The following RIC8B variants were observed in gnomAD, a reference collection of about 807,000 sequenced individuals.
The protein encoded by RIC8B is RIC8 guanine nucleotide exchange factor B.
In RIC8B, 16 loss-of-function variants were observed where a neutral mutation model predicts 57.5. The observed-to-expected ratio is 0.28, with a 90% CI of 0.19 to 0.42. The LOEUF is 0.42. RIC8B is among the 10% of genes least tolerant of loss of function. RIC8B has a pLI of 1.00. For synonymous variants in RIC8B, 216 were observed against 250.8 expected (o/e 0.86, Z 1.31); for missense variants, 481 against 677.0 (o/e 0.71, Z 3.21).
At chr12:106,863,858 C>T (rs187093773) in intron 8 of RIC8B, among the ~76,000 whole-genome samples, 14 of 152,144 alleles carry the variant, frequency 9.2e-5, no homozygotes, top group East Asian at 1.9e-4. Context: ...CTTAATCAAA[C>T]GGCCTGACAT....
chr12:106,854,276 A>C (rs1194909255), intron 7 of RIC8B, among the ~76,000 whole-genome samples: 2 of 152,172 alleles, frequency 1.3e-5, no homozygotes, highest in African/African-American at 2.4e-5. Context: ...ACTTAACAGT[A>C]ATCAGATTTT....
chr12:106,817,823 T>TTAAA (rs2045646266), intron 3 of RIC8B, among the ~76,000 whole-genome samples: 1 of 43,652 alleles, frequency 2.3e-5, no homozygotes, highest in Admixed American at 2.3e-4. Flanking sequence ...AAACACTGTC[T>TTAAA]CAAAAAAAAA....
At chr12:106,863,000 T>A (rs565121204) in intron 8 of RIC8B, among the ~76,000 whole-genome samples, 1 of 152,276 alleles carries the variant, frequency 6.6e-6, no homozygotes, top group South Asian at 2.1e-4. Context: ...AGATAAACTT[T>A]AGTCCTGTGT....
intron 2 of RIC8B, among the ~76,000 whole-genome samples, chr12:106,788,192 T>A (rs1178015472): frequency 6.6e-6 from 1 of 152,204 alleles, no homozygotes; most frequent in Admixed American, 6.5e-5. Flanking sequence ...TCCTTTGACT[T>A]CATGTCTCAC....
At chr12:106,855,815 A>C (rs1949696636) in intron 7 of RIC8B, among the ~76,000 whole-genome samples, 1 of 152,078 alleles carries the variant, frequency 6.6e-6, no homozygotes, top group Admixed American at 6.6e-5. Flanking sequence ...TCCCAAATCT[A>C]TGTATCTTTA....
chr12:106,812,772 A>C lies in RIC8B; in HGVS notation c.133-1924A>C, dbSNP rs144587331. Among the ~76,000 whole-genome samples the C allele has an allele frequency of 2.4e-3, 361 of 152,318 alleles. 1 individual carries two copies. The highest frequency in any genetic ancestry group is 8.1e-3 in the African/African-American group (338 of 41,580). On this transcript the variant is annotated intron_variant, in intron 2 of 9. Coordinates refer to ENST00000392837, the MANE Select transcript of RIC8B (RefSeq NM_001330145.2). ...TATACTTTTAATTAATGGGCACATT[A>C]TACTTTCCACTATCCCCAAACTACA...
chr12:106,860,122 A>G (rs1158253580), intron 7 of RIC8B, 146 bp from the exon 8 acceptor site: 10 of 676,576 alleles, frequency 1.5e-5, no homozygotes, highest in African/African-American at 1.1e-4. Context: ...GTAGTTCAGT[A>G]TAACCACTAC....
chr12:106,879,247 C>G lies in RIC8B; in HGVS notation c.1572-6657C>G. On this transcript the variant is annotated intron_variant, in intron 9 of 9. Transcript: ENST00000392837. This position sits in a 1 kb window ranked among gnomAD's most constrained non-coding sequence, Gnocchi z 4.9. ...TGAATTGAATGTTTTGTTTGTATTG[C>G]ACAAAAACATGTGCTGTGGGCAAGA... is the stretch of plus-strand genomic sequence containing the variant. 1.0e-6 allele frequency: 1 copy of G among 985,638 alleles called. No individual in the cohort carries two copies. 61.1% of individuals were successfully genotyped at this position (985,638 alleles called of 1,614,324 possible). A position where few individuals can be genotyped will look rare whatever the true frequency, so the allele number is the denominator to read the frequency against.
In RIC8B at chr12:106,774,761, G is replaced by A. The variant is rs1264619904; in HGVS notation, c.16G>A (p.Ala6Thr). 1 of 1,551,032 alleles carries A rather than the reference G, an allele frequency of 6.4e-7. No individual in the cohort carries two copies. The highest frequency in any genetic ancestry group is 2.0e-5 in the Admixed American group (1 of 51,002). The change falls in exon 1 of 10, where the codon GCC becomes ACC. Residue 6 changes from alanine to threonine, a missense_variant. Around this residue, in one of 3 missense-constraint regions of RIC8B, gnomAD observed 421 missense variants for 560.9 expected, o/e 0.75. Transcript: ENST00000392837. MDEER[A>T]LYIVRAGEAG... The stretch of plus-strand genomic sequence containing the variant: ...ACCTGCGGCCATGGATGAGGAGCGC[G>A]CCCTCTACATCGTCCGGGCCGGCGA...
At chr12:106,829,414 A>G (rs2046255948) in intron 4 of RIC8B, among the ~76,000 whole-genome samples, 1 of 152,184 alleles carries the variant, frequency 6.6e-6, no homozygotes, top group Admixed American at 6.5e-5. Context: ...ATTTGATTTA[A>G]TTTATTTTAG....
intron 3 of RIC8B, among the ~76,000 whole-genome samples, chr12:106,824,231 A>G (rs1217486577): frequency 6.6e-6 from 1 of 152,200 alleles, no homozygotes; most frequent in Admixed American, 6.5e-5. Flanking sequence ...TATGCATATC[A>G]TCTTCTTTAA....
intron 3 of RIC8B, chr12:106,822,111 AAAAG>A (rs914081364): frequency 6.6e-6 from 1 of 151,688 alleles, no homozygotes; most frequent in African/African-American, 2.4e-5. Context: ...AGAAGAAAAA[AAAAG>A]AAAAGCAAAG....
intron 2 of RIC8B, among the ~76,000 whole-genome samples, chr12:106,807,554 T>C (rs931311219): frequency 6.6e-6 from 1 of 152,202 alleles, no homozygotes. Context: ...GCATAGATCG[T>C]GTCTATACAC....
chr12:106,849,931 GAGATATA>G (rs1403919769), intron 6 of RIC8B, among the ~76,000 whole-genome samples: 2 of 152,202 alleles, frequency 1.3e-5, no homozygotes, highest in Non-Finnish European at 2.9e-5. Flanking sequence ...ATCAACAATG[GAGATATA>G]ATTTAGGGCA....
intron 2 of RIC8B, chr12:106,798,097 A>T (rs1182915231): frequency 2.8e-5 from 20 of 715,962 alleles, no homozygotes; most frequent in Non-Finnish European, 4.9e-5. Context: ...ATAACTAGTG[A>T]AGAAGATAGC....
At chr12:106,850,210 T>G (rs908915907) in intron 6 of RIC8B, among the ~76,000 whole-genome samples, 1 of 152,196 alleles carries the variant, frequency 6.6e-6, no homozygotes, top group Non-Finnish European at 1.5e-5. Flanking sequence ...CCCCAGTCTG[T>G]GGCAAAATTA....
Position 106,879,911 on chromosome 12 carries a change from T to G in RIC8B, c.1572-5993T>G. 1.0e-6 allele frequency: 1 copy of G among 985,250 alleles called. No individual in the cohort carries two copies. Among genetic ancestry groups the G allele is most frequent in the Non-Finnish European group, 1.2e-6 (1 of 829,818 alleles). The allele number at this position is 985,250 out of a possible 1,614,324, so 61.0% of individuals were successfully genotyped here. A position where few individuals can be genotyped will look rare whatever the true frequency, so the allele number is the denominator to read the frequency against. On this transcript the variant is annotated intron_variant, in intron 9 of 9. Coordinates refer to ENST00000392837, the MANE Select transcript of RIC8B (RefSeq NM_001330145.2). This position sits in a 1 kb window ranked among gnomAD's most constrained non-coding sequence, Gnocchi z 4.9. ...ACTGTACTTTTTGATACGAGGGCAG[T>G]CTTAACTTGTGTTAAGGCCTGTGTG...
At chr12:106,775,415 C>A (rs1370210725) in intron 1 of RIC8B, 2 of 454,526 alleles carry the variant, frequency 4.4e-6, no homozygotes, top group African/African-American at 4.0e-5. Context: ...AGGTCATGGA[C>A]ATATAATGTT....
At chr12:106,776,968 C>T (rs137943379) in intron 1 of RIC8B, among the ~76,000 whole-genome samples, 2 of 152,152 alleles carry the variant, frequency 1.3e-5, no homozygotes, top group Non-Finnish European at 2.9e-5. Flanking sequence ...TCTCCTCCCC[C>T]CCACCGACCC....
Sources: allele counts gnomAD v4.1 joint callset (sites outside exome capture counted in the v4.1 genomes callset), GRCh38; gene constraint gnomAD v4.1.1; regional missense constraint gnomAD v4.1.1; non-coding constraint Gnocchi (gnomAD v3.1); transcripts MANE v1.5; gene names NCBI Gene and HGNC (gene_info 2026-07-23, HGNC 2026-07-21).